Variants in SLC6A9 observed in about 807,000 individuals in gnomAD.
SLC6A9 encodes sodium- and chloride-dependent glycine transporter 1.
SLC6A9 carries 31 observed loss-of-function variants against 70.9 expected under a neutral mutation model. The observed-to-expected ratio is 0.44, with a 90% CI of 0.33 to 0.59. The LOEUF is 0.59. SLC6A9 is among the 20% of genes least tolerant of loss of function. SLC6A9 has a pLI of 0.04. For synonymous variants in SLC6A9, 310 were observed against 341.3 expected (o/e 0.91, Z 1.01); for missense variants, 631 against 845.2 (o/e 0.75, Z 3.14).
At chr1:44,009,917 C>T (rs200514184) in intron 4 of SLC6A9, 48 bp downstream of exon 4, 90 of 1,597,910 alleles carry the variant, frequency 5.6e-5, no homozygotes, top group African/African-American at 2.1e-4. Flanking sequence ...CCTCAGAGGC[C>T]GTTGTGTGTT....
intron 1 of SLC6A9, among the ~76,000 whole-genome samples, chr1:44,028,175 C>T (rs992561298): frequency 6.6e-6 from 1 of 152,090 alleles, no homozygotes; most frequent in African/African-American, 2.4e-5. Flanking sequence ...AAGAGAGAGT[C>T]AAGCAAATGG....
chr1:44,019,884 G>T (rs55859716), intron 2 of SLC6A9, among the ~76,000 whole-genome samples: 11,653 of 152,110 alleles, frequency 0.077, 1,322 homozygotes, highest in African/African-American at 0.25. Context: ...TGCCGGGGAT[G>T]GGGGAGGGCT....
Position 44,002,516 on chromosome 1 carries a change from G to A in SLC6A9, c.854C>T (p.Ala285Val). 1 of 1,614,078 alleles carries A rather than the reference G, an allele frequency of 6.2e-7. No homozygotes were observed. Among genetic ancestry groups the A allele is most frequent in the African/African-American group, 1.3e-5 (1 of 75,022 alleles). The change falls in exon 7 of 14, where the codon GCC becomes GTC. Residue 285 changes from alanine (A) to valine (V), a missense_variant. Ala to Val is a moderately conservative substitution (Grantham distance 64). Transcript: ENST00000372310. The surrounding 1 kb of genome is among the most constrained non-coding windows in gnomAD (Gnocchi z 5.5). Reference protein sequence around the residue: ...LTPQWDKILEAKVWGDAASQI... With the variant: ...LTPQWDKILEVKVWGDAASQI... ...CCGGTTTCCCTCACTTCCCACCTTGGCCTCCAGGATCTTGTCCCACTGCGG... is the reference window on the plus strand; with the variant it reads ...CCGGTTTCCCTCACTTCCCACCTTGACCTCCAGGATCTTGTCCCACTGCGG...
In SLC6A9 at chr1:43,997,307, C is replaced by A; in HGVS notation, c.*238G>T. The stretch of plus-strand genomic sequence containing the variant: ...CGAGACCCCTCCAAAGTGCTTTGGA[C>A]CTCCCAGCAACCCTCCACTCCCACC... On this transcript the variant is annotated 3_prime_UTR_variant, in exon 14 of 14. Transcript: ENST00000372310. The surrounding 1 kb of genome is among the most constrained non-coding windows in gnomAD (Gnocchi z 4.4). The A allele has an allele frequency of 1.8e-6, 1 of 547,668 alleles. No individual in the cohort carries two copies. 33.9% of individuals were successfully genotyped at this position (547,668 alleles called of 1,614,324 possible).
intron 1 of SLC6A9, among the ~76,000 whole-genome samples, chr1:44,026,504 T>C (rs2154307697): frequency 6.6e-6 from 1 of 151,946 alleles, no homozygotes; most frequent in South Asian, 2.1e-4. Context: ...ACTAAAAATA[T>C]AAAAATTAAC....
At chr1:44,020,432 C>T (rs914460561) in intron 2 of SLC6A9, among the ~76,000 whole-genome samples, 17 of 152,190 alleles carry the variant, frequency 1.1e-4, no homozygotes, top group African/African-American at 3.4e-4. Flanking sequence ...ACCCAATGTG[C>T]GCCCAGCTCT....
chr1:44,014,858 G>A (rs1464528127), intron 2 of SLC6A9: 3 of 151,992 alleles, frequency 2.0e-5, no homozygotes, highest in Non-Finnish European at 4.4e-5. Flanking sequence ...AAAAGCAGGG[G>A]ACAGACTAGA....
At position 44,000,866 on chromosome 1, in the gene SLC6A9, C is replaced by T. The variant is rs200257372; in HGVS notation, c.1437G>A (p.Gly479=). The T allele has an allele frequency of 8.1e-6, 13 of 1,605,396 alleles. No homozygotes were observed. The highest frequency in any genetic ancestry group is 3.4e-5 in the Admixed American group (2 of 58,786). Residue 479 remains glycine, a splice_region_variant and synonymous_variant, in exon 12 of 14, where the codon GGG becomes GGA. Transcript: ENST00000372310. ...IMCVAIMYIY[G]HRNYFQDIQM... The stretch of plus-strand genomic sequence containing the variant: ...GGATGTCCTGGAAGTAGTTCCGGTG[C>T]CCTGGAGAGATGGGGGGTCAGCAGA...
intron 5 of SLC6A9, among the ~76,000 whole-genome samples, chr1:44,007,964 C>T (rs954470420): frequency 3.3e-5 from 5 of 150,352 alleles, no homozygotes; most frequent in Non-Finnish European, 7.4e-5. Context: ...GATCTCAGCT[C>T]ATTGCAAGCT....
chr1:44,029,788 C>T (rs1282954551), intron 1 of SLC6A9, among the ~76,000 whole-genome samples: 2 of 152,210 alleles, frequency 1.3e-5, no homozygotes, highest in African/African-American at 4.8e-5. Flanking sequence ...GGCGTTTTCT[C>T]TGCGGTCCTT....
At chr1:44,028,655 TGA>T (rs1219740506) in intron 1 of SLC6A9, among the ~76,000 whole-genome samples, 1 of 152,174 alleles carries the variant, frequency 6.6e-6, no homozygotes, top group African/African-American at 2.4e-5. Flanking sequence ...CTCAGGAGGC[TGA>T]GTCATGAGAA....
chr1:44,005,372 C>G (rs76392450), intron 5 of SLC6A9, among the ~76,000 whole-genome samples: 4,382 of 152,266 alleles, frequency 0.029, 143 homozygotes, highest in African/African-American at 0.082. Flanking sequence ...GACATGGGCT[C>G]AGAAATCTGC....
rs1418177620 is a variant in SLC6A9, at chr1:44,002,624, A to G, written c.746T>C (p.Phe249Ser). Residue 249 changes from phenylalanine (F) to serine (S), a missense_variant, in exon 7 of 14, where the codon TTC (phenylalanine) becomes TCC (serine). Phe to Ser is a radical substitution (Grantham distance 155). Transcript: ENST00000372310. The surrounding 1 kb of genome is among the most constrained non-coding windows in gnomAD (Gnocchi z 5.5). The stretch of plus-strand genomic sequence containing the variant: ...CAGAATGGTCAGCACCACGTAGGGG[A>G]ACGTGGCCGTGAAGTACACCACCTG... ...SGKVVYFTATFPYVVLTILFV... is the reference protein window; with the variant it reads ...SGKVVYFTATSPYVVLTILFV... 6.2e-7 allele frequency: 1 copy of G among 1,613,960 alleles called. No individual in the cohort carries two copies. The highest frequency in any genetic ancestry group is 8.5e-7 in the Non-Finnish European group (1 of 1,179,982).
chr1:44,017,304 G>T, intron 2 of SLC6A9: 1 of 1,442,474 alleles, frequency 6.9e-7, no homozygotes, highest in Non-Finnish European at 9.0e-7. Flanking sequence ...GGGTGCTCCG[G>T]AGCTGGAGTG....
chr1:44,028,296 G>A (rs1467545417), intron 1 of SLC6A9, among the ~76,000 whole-genome samples: 3 of 150,908 alleles, frequency 2.0e-5, no homozygotes, highest in Admixed American at 6.7e-5. Flanking sequence ...CTGGATTTTG[G>A]TCTTCATCTT....
At chr1:44,022,722 C>CTTTTTTCT (rs2086908923) in intron 2 of SLC6A9, among the ~76,000 whole-genome samples, 1 of 118,956 alleles carries the variant, frequency 8.4e-6, no homozygotes, top group Non-Finnish European at 1.7e-5. Flanking sequence ...TTCTTTCTTT[C>CTTTTTTCT]TTTTTTTTTT....
In SLC6A9 at chr1:43,998,885, T is replaced by A. The variant is rs531620192; in HGVS notation, c.1537-860A>T. On this transcript the variant is annotated intron_variant, in intron 12 of 13. Coordinates refer to ENST00000372310, the MANE Select transcript of SLC6A9 (RefSeq NM_001024845.3). Reference sequence around the variant, plus strand: ...CCTCCTTGGAAAGAGATGAGTGAGATTGGAAATAAAACTTGTGGCTGCAGT... The same window carrying A: ...CCTCCTTGGAAAGAGATGAGTGAGAATGGAAATAAAACTTGTGGCTGCAGT... Among the ~76,000 whole-genome samples the A allele has an allele frequency of 5.5e-5, 8 of 146,208 alleles. No homozygotes were observed. The South Asian group carries it at 1.7e-3, about 31-fold the overall frequency.
intron 4 of SLC6A9, among the ~76,000 whole-genome samples, chr1:44,009,429 T>C (rs1323646960): frequency 6.6e-6 from 1 of 152,086 alleles, no homozygotes; most frequent in Non-Finnish European, 1.5e-5. Context: ...TTCACCGTAT[T>C]AGCCAGTATG....
At chr1:44,015,845 G>A in intron 2 of SLC6A9, 1 of 985,266 alleles carries the variant, frequency 1.0e-6, no homozygotes. Flanking sequence ...CCGGGGTGGA[G>A]GGGCAGAACA....
Sources: allele counts gnomAD v4.1 joint callset (sites outside exome capture counted in the v4.1 genomes callset), GRCh38; gene constraint gnomAD v4.1.1; non-coding constraint Gnocchi (gnomAD v3.1); transcripts MANE v1.5; gene names NCBI Gene and HGNC (gene_info 2026-07-23, HGNC 2026-07-21).